PTK6: variants seen among roughly 807,000 people sequenced by gnomAD.
PTK6 encodes the protein protein tyrosine kinase 6.
In PTK6, 47 loss-of-function variants were observed where a neutral mutation model predicts 47.5. The ratio of observed to expected loss-of-function variants is 0.99; its 90% CI spans 0.78 to 1.26. PTK6 has a LOEUF of 1.26. Ranked by LOEUF, PTK6 falls within the 50% of genes most tolerant of loss-of-function variation. The pLI is 0.00. For synonymous variants in PTK6, 287 were observed against 276.5 expected, an observed-to-expected ratio of 1.04 and a Z score of -0.38; for missense variants, 618 against 625.3, an observed-to-expected ratio of 0.99 and a Z score of 0.12.
At chr20:63,532,459 G>T (rs13041839) in intron 5 of PTK6, 67 bp downstream of exon 5, 268,676 of 1,500,084 alleles carry the variant, frequency 0.18, 26,601 homozygotes, top group Non-Finnish European at 0.2. Flanking sequence ...GTGGGGGGGG[G>T]GTGTGCACTT....
chr20:63,532,447 ACG>A, intron 5 of PTK6, 77 bp downstream of exon 5: 1 of 1,448,572 alleles, frequency 6.9e-7, no homozygotes, highest in Admixed American at 1.9e-5. Flanking sequence ...GTGTGTGTAG[ACG>A]TGGGGGGGGG....
rs995078278 is a variant in PTK6 at position 63,532,450 on chromosome 20, T to G, written c.832+76A>C. ...GTCTACGTGTGTGTGTGTGTAGACG[T>G]GGGGGGGGGGTGTGCACTTTATTTC... On this transcript the variant is annotated intron_variant, in intron 5 of 7. Coordinates refer to ENST00000542869, the MANE Select transcript of PTK6 (RefSeq NM_005975.4). The G allele has an allele frequency of 2.8e-5, 37 of 1,316,822 alleles. No homozygotes were observed. In the Admixed American group the frequency reaches 4.9e-4, roughly 17 times the overall value. 81.6% of individuals were successfully genotyped at this position (1,316,822 alleles called of 1,614,324 possible).
chr20:63,532,038 A>G (rs938551970), intron 5 of PTK6, among the ~76,000 whole-genome samples: 3 of 152,228 alleles, frequency 2.0e-5, no homozygotes, highest in Non-Finnish European at 4.4e-5. Flanking sequence ...GGGCATCTCC[A>G]TTCCCTGGCA....
At position 63,530,380 on chromosome 20, in the gene PTK6, A is replaced by T; in HGVS notation, c.1015-149T>A. 1 of 1,062,520 alleles carries T rather than the reference A, an allele frequency of 9.4e-7. No individual in the cohort carries two copies. The highest frequency in any genetic ancestry group is 1.3e-6 in the Non-Finnish European group (1 of 741,686). 65.8% of individuals were successfully genotyped at this position (1,062,520 alleles called of 1,614,324 possible). Reference sequence around the variant, plus strand: ...ACGCACGGCCGCTGCAGCTAAGGCCACACTGGGGCCTGACCACCTTCAGGA... The same window carrying T: ...ACGCACGGCCGCTGCAGCTAAGGCCTCACTGGGGCCTGACCACCTTCAGGA... On this transcript the variant is annotated intron_variant, in intron 6 of 7. Transcript: ENST00000542869. This position sits in a 1 kb window ranked among gnomAD's most constrained non-coding sequence, Gnocchi z 4.1.
chr20:63,530,054 A>T lies in PTK6; in HGVS notation c.1168+24T>A, dbSNP rs569510506. The stretch of plus-strand genomic sequence containing the variant: ...CTCCCCCACTCTGCCTCTCATGCCC[A>T]GTCAGGGACAGTGGGGACAGTACCT... On this transcript the variant is annotated intron_variant, in intron 7 of 7. Transcript: ENST00000542869. This position sits in a 1 kb window ranked among gnomAD's most constrained non-coding sequence, Gnocchi z 4.1. 6.8e-6 allele frequency: 11 copies of T among 1,612,248 alleles called. No homozygotes were observed. The East Asian group carries it at 2.0e-4, about 29-fold the overall frequency.
At chr20:63,536,857 C>T (rs1321022671) in intron 1 of PTK6, among the ~76,000 whole-genome samples, 2 of 152,146 alleles carry the variant, frequency 1.3e-5, no homozygotes, top group African/African-American at 2.4e-5. Flanking sequence ...TGCCCTCTGA[C>T]CCCCGTGCTC....
At chr20:63,536,318 C>T (rs1041677378) in intron 1 of PTK6, among the ~76,000 whole-genome samples, 4 of 146,170 alleles carry the variant, frequency 2.7e-5, no homozygotes, top group Admixed American at 1.4e-4. Context: ...TGGGTCTGCG[C>T]GTGACCCTGC....
chr20:63,532,726 C>A (rs1157833733), intron 4 of PTK6, 39 bp from the exon 5 acceptor site: 5 of 1,597,270 alleles, frequency 3.1e-6, no homozygotes, highest in African/African-American at 1.3e-5. Flanking sequence ...CAGCCCCTGA[C>A]CCCCCAGGCC....
chr20:63,532,379 CTG>C (rs1287468009), intron 5 of PTK6, 145 bp downstream of exon 5: 17 of 996,210 alleles, frequency 1.7e-5, no homozygotes, highest in South Asian at 3.3e-5. Flanking sequence ...CTCTGTGTGT[CTG>C]TGTCTGTGTC....
At chr20:63,534,448 CT>C (rs1380579749) in intron 2 of PTK6, 133 bp from the exon 3 acceptor site, 5 of 1,164,216 alleles carry the variant, frequency 4.3e-6, no homozygotes, top group Admixed American at 5.4e-5. Context: ...AGTACCACCC[CT>C]GCCTCCCCTC....
chr20:63,534,329 C>T lies in PTK6; in HGVS notation c.353-14G>A, dbSNP rs368662255. The T allele has an allele frequency of 3.3e-5, 52 of 1,585,724 alleles. No homozygotes were observed. In the African/African-American group the frequency reaches 6.4e-4, roughly 20 times the overall value. On this transcript the variant is annotated splice_polypyrimidine_tract_variant and intron_variant, in intron 2 of 7. Transcript: ENST00000542869. ...GCGTGTCCCGCACTGGGAGGGAGAG[C>T]GTGAGCTGTGTGGCCACCCCAACTC...
chr20:63,530,257 G>A lies in PTK6; in HGVS notation c.1015-26C>T, dbSNP rs2145969179. On this transcript the variant is annotated intron_variant, in intron 6 of 7. Coordinates refer to ENST00000542869, the MANE Select transcript of PTK6 (RefSeq NM_005975.4). The surrounding 1 kb of genome is among the most constrained non-coding windows in gnomAD (Gnocchi z 4.1). Reference sequence around the variant, plus strand: ...CTGCAATCAGCCTGGAGCTGAGTGGGCCGTGGGGGCTGCCTGTGCCCTGCC... The same window carrying A: ...CTGCAATCAGCCTGGAGCTGAGTGGACCGTGGGGGCTGCCTGTGCCCTGCC... The A allele has an allele frequency of 6.2e-7, 1 of 1,610,336 alleles. No homozygotes were observed. The highest frequency in any genetic ancestry group is 1.3e-5 in the African/African-American group (1 of 74,988).
In PTK6 at chr20:63,533,937, C is replaced by A. The variant is rs965225292; in HGVS notation, c.516+215G>T. On this transcript the variant is annotated intron_variant, in intron 3 of 7. Coordinates refer to ENST00000542869, the MANE Select transcript of PTK6 (RefSeq NM_005975.4). This position sits in a 1 kb window ranked among gnomAD's most constrained non-coding sequence, Gnocchi z 4.0. ...CCCTGCAGAGTGCCGCTGGCCTCTC[C>A]GAGAGTGGCCAGGCCCGGGGATGGT... Among the ~76,000 whole-genome samples, 4 of 152,132 alleles carry A rather than the reference C, an allele frequency of 2.6e-5. No homozygotes were observed. Among genetic ancestry groups the A allele is most frequent in the African/African-American group, 9.7e-5 (4 of 41,444 alleles).
At position 63,529,804 on chromosome 20, in the gene PTK6, C is replaced by T. The variant is rs2082603817; in HGVS notation, c.1169-81G>A. On this transcript the variant is annotated intron_variant, in intron 7 of 7. Coordinates refer to ENST00000542869, the MANE Select transcript of PTK6 (RefSeq NM_005975.4). The surrounding 1 kb of genome is among the most constrained non-coding windows in gnomAD (Gnocchi z 5.6). ...AAGCCACACCAGCCATCCACTGCCC[C>T]TTCCTGGGGCCTTCCCCGCAGCCTC... is the stretch of plus-strand genomic sequence containing the variant. The T allele has an allele frequency of 1.3e-5, 18 of 1,400,018 alleles. No homozygotes were observed. Among genetic ancestry groups the T allele is most frequent in the Non-Finnish European group, 1.7e-5 (18 of 1,039,812 alleles). 86.7% of individuals were successfully genotyped at this position (1,400,018 alleles called of 1,614,324 possible).
At chr20:63,535,263 C>T (rs928900618) in intron 1 of PTK6, among the ~76,000 whole-genome samples, 2 of 152,164 alleles carry the variant, frequency 1.3e-5, no homozygotes, top group African/African-American at 4.8e-5. Context: ...CCTGAGGACC[C>T]GGCGGGGGCA....
chr20:63,532,035 T>C (rs2082625746), intron 5 of PTK6, among the ~76,000 whole-genome samples: 1 of 152,240 alleles, frequency 6.6e-6, no homozygotes, highest in African/African-American at 2.4e-5. Context: ...CACGGGCATC[T>C]CCATTCCCTG....
chr20:63,531,230 G>A (rs890987069), intron 5 of PTK6, among the ~76,000 whole-genome samples: 10 of 151,612 alleles, frequency 6.6e-5, no homozygotes, highest in African/African-American at 2.2e-4. Context: ...GACCATCCTG[G>A]CTAACACGGT....
At chr20:63,532,220 G>A (rs913140172) in intron 5 of PTK6, among the ~76,000 whole-genome samples, 1 of 150,354 alleles carries the variant, frequency 6.7e-6, no homozygotes, top group Admixed American at 6.6e-5. Flanking sequence ...GTGTGTGTCC[G>A]TGTGATCTGT....
In PTK6 at chr20:63,528,167, G is replaced by T. The variant is rs539587089; in HGVS notation, c.*1369C>A. The T allele has an allele frequency of 6.6e-6, 1 of 152,090 alleles. No individual in the cohort carries two copies. Among genetic ancestry groups the T allele is most frequent in the South Asian group, 2.1e-4 (1 of 4,826 alleles). 9.4% of individuals were successfully genotyped at this position (152,090 alleles called of 1,614,324 possible). A position where few individuals can be genotyped will look rare whatever the true frequency, so the allele number is the denominator to read the frequency against. On this transcript the variant is annotated 3_prime_UTR_variant, in exon 8 of 8. Transcript: ENST00000542869. ...GATAGGATATATATCATAGGATAAC[G>T]TATCAGATTTCTAGGAATTTTATAG...
Sources: allele counts gnomAD v4.1 joint callset (sites outside exome capture counted in the v4.1 genomes callset), GRCh38; gene constraint gnomAD v4.1.1; non-coding constraint Gnocchi (gnomAD v3.1); transcripts MANE v1.5; gene names NCBI Gene and HGNC (gene_info 2026-07-23, HGNC 2026-07-21).